Variants in NPTN observed in about 807,000 individuals in gnomAD.
NPTN encodes the protein SDR-1.
A neutral mutation model predicts 42.7 loss-of-function variants in NPTN; 5 were observed. That is an observed-to-expected ratio of 0.12 (90% confidence interval 0.06 to 0.25). The LOEUF is 0.25. Ranked by LOEUF, NPTN falls within the 10% of genes least tolerant of loss-of-function variation. The pLI, the probability that NPTN is intolerant of heterozygous loss-of-function variation, is 1.00. For missense variants in NPTN, 307 were observed against 525.4 expected, an observed-to-expected ratio of 0.58 and a Z score of 4.06; for synonymous variants, 180 against 201.9, an observed-to-expected ratio of 0.89 and a Z score of 0.92.
At chr15:73,601,398 A>G (rs929383273) in intron 1 of NPTN, among the ~76,000 whole-genome samples, 30 of 152,376 alleles carry the variant, frequency 2.0e-4, no homozygotes, top group African/African-American at 6.7e-4. Flanking sequence ...TGAAATCACA[A>G]TTAGCAAGGG....
At position 73,570,034 on chromosome 15, in the gene NPTN, T is replaced by A. The variant is rs1281477816; in HGVS notation, c.1114+116A>T. 6 of 999,286 alleles carry A rather than the reference T, an allele frequency of 6.0e-6. No individual in the cohort carries two copies. Among genetic ancestry groups the A allele is most frequent in the Non-Finnish European group, 8.2e-6 (6 of 728,996 alleles). The allele number at this position is 999,286 out of a possible 1,614,324, so 61.9% of individuals were successfully genotyped here. On this transcript the variant is annotated intron_variant, in intron 6 of 8. Coordinates refer to ENST00000345330, the MANE Select transcript of NPTN (RefSeq NM_012428.4). This position sits in a 1 kb window ranked among gnomAD's most constrained non-coding sequence, Gnocchi z 4.0. ...GGGTTAGGAACTGGTATAAGAATTT[T>A]CCTTCTTTCCTTTAGGGATTGAATC...
chr15:73,565,094 T>C (rs1894905200), intron 6 of NPTN, among the ~76,000 whole-genome samples: 2 of 152,236 alleles, frequency 1.3e-5, no homozygotes, highest in Admixed American at 6.5e-5. Context: ...TGCAAAGGGT[T>C]GCATGGAGGT....
intron 1 of NPTN, among the ~76,000 whole-genome samples, chr15:73,619,910 T>TA (rs2141467465): frequency 6.6e-6 from 1 of 152,358 alleles, no homozygotes; most frequent in Admixed American, 6.5e-5. Flanking sequence ...TCATGTACTG[T>TA]ACTGGGCATT....
At chr15:73,565,326 C>T (rs1032149919) in intron 6 of NPTN, among the ~76,000 whole-genome samples, 8 of 152,124 alleles carry the variant, frequency 5.3e-5, no homozygotes, top group Admixed American at 4.6e-4. Flanking sequence ...GACTTGACCC[C>T]TAACAGGGAA....
rs200463196 is a variant in NPTN, at chr15:73,597,411, GAA to G, written c.92-44_92-43del. The G allele has an allele frequency of 4.5e-4, 451 of 1,012,972 alleles. No individual in the cohort carries two copies. The highest frequency in any genetic ancestry group is 5.3e-4 in the South Asian group (30 of 57,130). The allele number at this position is 1,012,972 out of a possible 1,614,324, so 62.7% of individuals were successfully genotyped here. ...CAGGAATGCAGTGACAGGCCAATCA[GAA>G]AAAAAAAAAAGAATCAACAGGTGTT... On this transcript the variant is annotated intron_variant, in intron 1 of 8. Coordinates refer to ENST00000345330, the MANE Select transcript of NPTN (RefSeq NM_012428.4). The surrounding 1 kb of genome is among the most constrained non-coding windows in gnomAD (Gnocchi z 6.3).
intron 6 of NPTN, among the ~76,000 whole-genome samples, chr15:73,566,744 T>C (rs540748037): frequency 1.3e-4 from 20 of 152,234 alleles, no homozygotes; most frequent in Admixed American, 2.6e-4. Flanking sequence ...TAGAGAACTA[T>C]CATTTAACAT....
chr15:73,613,788 C>T (rs915843309), intron 1 of NPTN, among the ~76,000 whole-genome samples: 3 of 151,976 alleles, frequency 2.0e-5, no homozygotes, highest in African/African-American at 4.8e-5. Context: ...TGGATTCAAG[C>T]GATTCTCCTG....
rs1897886918 is a variant in NPTN, at chr15:73,616,854, C to A, written c.91+16271G>T. ...ATTAGCAGAGCTGTCCCAGGAGTTA[C>A]CCACATGGCTAAGATATTAAATGTG... On this transcript the variant is annotated intron_variant, in intron 1 of 8. Coordinates refer to ENST00000345330, the MANE Select transcript of NPTN (RefSeq NM_012428.4). 2.0e-5 allele frequency among the ~76,000 whole-genome samples: 3 copies of A among 152,152 alleles called. No individual in the cohort carries two copies. The South Asian group carries it at 6.2e-4, about 31-fold the overall frequency.
rs911140048 is a variant in NPTN at position 73,570,053 on chromosome 15, T to C, written c.1114+97A>G. ...GAATTTTCCTTCTTTCCTTTAGGGA[T>C]TGAATCCCAACATCCCTATAGTCCT... On this transcript the variant is annotated intron_variant, in intron 6 of 8. Transcript: ENST00000345330. The surrounding 1 kb of genome is among the most constrained non-coding windows in gnomAD (Gnocchi z 4.0). The C allele has an allele frequency of 2.9e-5, 35 of 1,214,482 alleles. No individual in the cohort carries two copies. Among genetic ancestry groups the C allele is most frequent in the South Asian group, 4.9e-5 (2 of 40,842 alleles). 75.2% of individuals were successfully genotyped at this position (1,214,482 alleles called of 1,614,324 possible). A position where few individuals can be genotyped will look rare whatever the true frequency, so the allele number is the denominator to read the frequency against.
In NPTN at chr15:73,561,877, T is replaced by C. The variant is rs1293772434; in HGVS notation, c.*14+19A>G. 1.3e-6 allele frequency: 2 copies of C among 1,557,280 alleles called. No homozygotes were observed. Among genetic ancestry groups the C allele is most frequent in the Non-Finnish European group, 1.8e-6 (2 of 1,133,106 alleles). On this transcript the variant is annotated intron_variant, in intron 8 of 8. Coordinates refer to ENST00000345330, the MANE Select transcript of NPTN (RefSeq NM_012428.4). ...ATTTGAATATAATTTTTAAGACTGC[T>C]ACAGAAGGCCATACTTACATTGTAA... is the stretch of plus-strand genomic sequence containing the variant.
intron 3 of NPTN, among the ~76,000 whole-genome samples, chr15:73,591,367 C>T (rs963539882): frequency 3.0e-4 from 45 of 152,264 alleles, no homozygotes; most frequent in Admixed American, 2.6e-3. Flanking sequence ...TCTAGATATT[C>T]CAAAAAGCAC....
chr15:73,623,758 T>C (rs1898253508), intron 1 of NPTN, among the ~76,000 whole-genome samples: 1 of 152,188 alleles, frequency 6.6e-6, no homozygotes, highest in Admixed American at 6.5e-5. Context: ...CATTTCCATA[T>C]TTTTCTCTCA....
chr15:73,618,893 A>C (rs959578966), intron 1 of NPTN, among the ~76,000 whole-genome samples: 1 of 151,944 alleles, frequency 6.6e-6, no homozygotes, highest in Non-Finnish European at 1.5e-5. Flanking sequence ...ATCTCTACAA[A>C]AAAGTTTTTT....
intron 1 of NPTN, among the ~76,000 whole-genome samples, chr15:73,610,244 A>T (rs1897510473): frequency 6.6e-6 from 1 of 151,706 alleles, no homozygotes; most frequent in Non-Finnish European, 1.5e-5. Context: ...GTGCCACCCC[A>T]CCCAGCTAAG....
intron 1 of NPTN, among the ~76,000 whole-genome samples, chr15:73,624,574 GC>G (rs758782149): frequency 1.1e-4 from 17 of 152,110 alleles, no homozygotes; most frequent in Non-Finnish European, 2.2e-4. Context: ...ACATCTTGTT[GC>G]CTTTTTTTCC....
rs568615921 is a variant in NPTN at position 73,560,302 on chromosome 15, G to A, written c.*761C>T. 5 of 165,704 alleles carry A rather than the reference G, an allele frequency of 3.0e-5. No homozygotes were observed. In the South Asian group the frequency reaches 8.2e-4, roughly 27 times the overall value. The allele number at this position is 165,704 out of a possible 1,614,324, so 10.3% of individuals were successfully genotyped here. On this transcript the variant is annotated 3_prime_UTR_variant, in exon 9 of 9. Transcript: ENST00000345330. ...AAAAGTTTGCCTTGATTGAATGAAT[G>A]TACAAGAATAAGGTTCAACACATCA... is the stretch of plus-strand genomic sequence containing the variant.
chr15:73,624,638 T>TA (rs11409640), intron 1 of NPTN, among the ~76,000 whole-genome samples: 10,934 of 152,232 alleles, frequency 0.072, 490 homozygotes, highest in African/African-American at 0.12. Context: ...TCTAGGATCT[T>TA]AAACATGAAC....
chr15:73,561,868 T>TA (rs773128397), intron 8 of NPTN, 28 bp downstream of exon 8: 2 of 1,504,052 alleles, frequency 1.3e-6, no homozygotes, highest in Admixed American at 3.5e-5. Context: ...ATATAATTTT[T>TA]AAGACTGCTA....
chr15:73,563,581 A>AC, intron 6 of NPTN: 2 of 1,138,404 alleles, frequency 1.8e-6, no homozygotes, highest in Non-Finnish European at 2.2e-6. Context: ...CCAGTGGTTC[A>AC]CTCTTAAATA....
Sources: allele counts gnomAD v4.1 joint callset (sites outside exome capture counted in the v4.1 genomes callset), GRCh38; gene constraint gnomAD v4.1.1; non-coding constraint Gnocchi (gnomAD v3.1); transcripts MANE v1.5; gene names NCBI Gene and HGNC (gene_info 2026-07-23, HGNC 2026-07-21).